The following THSD4 variants were observed in gnomAD, a reference collection of about 807,000 sequenced individuals.
The protein encoded by THSD4 is thrombospondin type 1 domain containing 4.
THSD4 carries 69 observed loss-of-function variants against 119.0 expected under a neutral mutation model. The observed-to-expected ratio is 0.58, with a 90% CI of 0.48 to 0.71. The LOEUF (loss-of-function observed/expected upper bound fraction) is 0.71. Ranked by LOEUF, THSD4 falls within the 30% of genes least tolerant of loss-of-function variation. The pLI is 0.00. For missense variants in THSD4, 1,393 were observed against 1,391.1 expected (o/e 1.00, Z -0.02); for synonymous variants, 524 against 540.4 (o/e 0.97, Z 0.42).
chr15:71,431,048 GA>G (rs1233819624), intron 7 of THSD4, among the ~76,000 whole-genome samples: 2 of 152,138 alleles, frequency 1.3e-5, no homozygotes, highest in African/African-American at 4.8e-5. Flanking sequence ...GAATATTCAT[GA>G]ATTTCAACAT....
Position 71,774,922 on chromosome 15 carries a change from G to A in THSD4, c.2915-2310G>A, listed in dbSNP as rs148796033. Among the ~76,000 whole-genome samples the A allele has an allele frequency of 3.9e-3, 598 of 151,946 alleles. 7 individuals carry two copies. Among genetic ancestry groups the A allele is most frequent in the African/African-American group, 0.014 (577 of 41,434 alleles). On this transcript the variant is annotated intron_variant, in intron 17 of 17. Coordinates refer to ENST00000261862, the MANE Select transcript of THSD4 (RefSeq NM_024817.3). ...AGCACTTTGGGAGGCCAAGGCAGGC[G>A]GATCATGAGGTCAGGATATTGAGAC...
intron 8 of THSD4, among the ~76,000 whole-genome samples, chr15:71,716,647 G>A (rs1203263573): frequency 6.7e-6 from 1 of 149,420 alleles, no homozygotes; most frequent in Non-Finnish European, 1.5e-5. Context: ...CTGTACTTGT[G>A]GGGTGATGCC....
chr15:71,243,128 A>G, intron 5 of THSD4, 32 bp downstream of exon 5: 1 of 1,571,942 alleles, frequency 6.4e-7, no homozygotes, highest in East Asian at 2.2e-5. Flanking sequence ...CGGGCCTGGA[A>G]ACAGCTGCCC....
At position 71,442,660 on chromosome 15, in the gene THSD4, GTATATATATATA is replaced by G. The variant is rs71154772; in HGVS notation, c.1152+30869_1152+30880del. Among the ~76,000 whole-genome samples the G allele has an allele frequency of 9.3e-3, 239 of 25,832 alleles. 35 individuals carry two copies. Among genetic ancestry groups the G allele is most frequent in the African/African-American group, 0.023 (213 of 9,272 alleles). 16.9% of individuals were successfully genotyped at this position (25,832 alleles called of 152,430 possible). On this transcript the variant is annotated intron_variant, in intron 7 of 17. Coordinates refer to ENST00000261862, the MANE Select transcript of THSD4 (RefSeq NM_024817.3). ...TGTGTGTATATGTGTGTGTGTGTGTGTATATATATATATATATATATATATATATATATATAT... is the reference window on the plus strand; with the variant it reads ...TGTGTGTATATGTGTGTGTGTGTGTGTATATATATATATATATATATATAT...
chr15:71,256,475 CAAAA>C, intron 5 of THSD4, 134 bp from the exon 6 acceptor site: 1 of 356,440 alleles, frequency 2.8e-6, no homozygotes, highest in Non-Finnish European at 3.9e-6. Context: ...GACTCCATCT[CAAAA>C]AAAAAAAAAT....
intron 6 of THSD4, among the ~76,000 whole-genome samples, chr15:71,340,603 C>CTTTTTTT (rs780712768): frequency 8.7e-6 from 1 of 115,232 alleles, no homozygotes; most frequent in Non-Finnish European, 1.8e-5. Flanking sequence ...CATCCAGAGA[C>CTTTTTTT]TTTTTTTTTT....
intron 6 of THSD4, among the ~76,000 whole-genome samples, chr15:71,383,780 A>T (rs1274987311): frequency 6.6e-5 from 10 of 152,214 alleles, no homozygotes; most frequent in Admixed American, 6.5e-4. Flanking sequence ...ACAAATAAAA[A>T]TACAGGATAA....
chr15:71,668,721 T>G (rs1401228500), intron 8 of THSD4, among the ~76,000 whole-genome samples: 1 of 152,184 alleles, frequency 6.6e-6, no homozygotes, highest in Non-Finnish European at 1.5e-5. Flanking sequence ...CTTAGCCTTT[T>G]AACAAACTCT....
At chr15:71,261,833 A>G (rs1315283992) in intron 6 of THSD4, among the ~76,000 whole-genome samples, 1 of 152,230 alleles carries the variant, frequency 6.6e-6, no homozygotes, top group East Asian at 1.9e-4. Context: ...GTCTTTTAAA[A>G]TGGTCACTGA....
chr15:71,152,158 C>T (rs1242844736), intron 2 of THSD4, among the ~76,000 whole-genome samples: 1 of 152,172 alleles, frequency 6.6e-6, no homozygotes, highest in Non-Finnish European at 1.5e-5. Context: ...CATGGTGGCT[C>T]ATGCCTGTAA....
chr15:71,764,622 A>G (rs901673852), intron 15 of THSD4, among the ~76,000 whole-genome samples: 1 of 152,248 alleles, frequency 6.6e-6, no homozygotes, highest in Non-Finnish European at 1.5e-5. Context: ...TCCTAAGAGA[A>G]TAACAGATAA....
chr15:71,491,322 A>G (rs2047915414), intron 7 of THSD4, among the ~76,000 whole-genome samples: 2 of 152,336 alleles, frequency 1.3e-5, no homozygotes, highest in East Asian at 1.9e-4. Flanking sequence ...CCGTTGTTAC[A>G]GTATTTAGAG....
chr15:71,735,650 CTCTG>C (rs1410386365), intron 10 of THSD4, among the ~76,000 whole-genome samples: 1 of 151,386 alleles, frequency 6.6e-6, no homozygotes, highest in Non-Finnish European at 1.5e-5. Flanking sequence ...CTCTCTTGCT[CTCTG>C]TCTCTCTCTC....
chr15:71,243,576 A>G (rs2044173134), intron 5 of THSD4, among the ~76,000 whole-genome samples: 4 of 152,184 alleles, frequency 2.6e-5, no homozygotes, highest in Admixed American at 2.6e-4. Context: ...GATGGCACAC[A>G]GAGGCCTCTG....
At chr15:71,503,685 A>T (rs1399271226) in intron 7 of THSD4, among the ~76,000 whole-genome samples, 1 of 152,114 alleles carries the variant, frequency 6.6e-6, no homozygotes, top group Non-Finnish European at 1.5e-5. Flanking sequence ...GCTGTTGTGC[A>T]TCTTCAGCAA....
chr15:71,731,547 C>T (rs1174161812), intron 10 of THSD4: 6 of 279,732 alleles, frequency 2.1e-5, no homozygotes, highest in East Asian at 7.2e-5. Flanking sequence ...GGGAGGCCGA[C>T]GCAGGTGGAT....
intron 7 of THSD4, among the ~76,000 whole-genome samples, chr15:71,454,784 C>G (rs796900677): frequency 2.0e-5 from 3 of 152,310 alleles, no homozygotes; most frequent in African/African-American, 7.2e-5. Flanking sequence ...AAACATCTCT[C>G]CCTGACACTA....
intron 7 of THSD4, among the ~76,000 whole-genome samples, chr15:71,453,614 T>C (rs2047296825): frequency 1.3e-5 from 2 of 152,252 alleles, no homozygotes; most frequent in Admixed American, 1.3e-4. Flanking sequence ...TGAATTTCAG[T>C]GTCCAAAAAA....
At chr15:71,774,034 C>T (rs1232609115) in intron 17 of THSD4, among the ~76,000 whole-genome samples, 2 of 152,016 alleles carry the variant, frequency 1.3e-5, no homozygotes, top group Non-Finnish European at 1.5e-5. Flanking sequence ...ACCACAGGGC[C>T]GGGTGCGGTG....
Sources: gnomAD v4.1 joint callset for allele counts (sites outside exome capture counted in the v4.1 genomes callset) on GRCh38, gnomAD v4.1.1 for gene constraint, MANE v1.5 for transcripts, NCBI Gene and HGNC (gene_info 2026-07-23, HGNC 2026-07-21) for gene names.